The following CCDC141 variants were observed in gnomAD, a reference collection of about 807,000 sequenced individuals.
The protein encoded by CCDC141 is coiled-coil domain containing 141, also known as coiled-coil domain-containing protein 141.
In CCDC141, 168 loss-of-function variants were observed where a neutral mutation model predicts 181.0. That is an observed-to-expected ratio of 0.93 (90% CI 0.82 to 1.05). The LOEUF is 1.05. Ranked by LOEUF, CCDC141 falls within the 50% of genes least tolerant of loss-of-function variation. The pLI is 0.00. For synonymous variants in CCDC141, 666 were observed against 642.3 expected (o/e 1.04, Z -0.56); for missense variants, 1,902 against 1,788.5 (o/e 1.06, Z -1.14).
chr2:178,983,940 G>A (rs917223804), intron 2 of CCDC141, among the ~76,000 whole-genome samples: 19 of 150,052 alleles, frequency 1.3e-4, no homozygotes, highest in African/African-American at 4.2e-4. Flanking sequence ...GCAGGCCAAC[G>A]TTCAGATTCA....
chr2:178,819,322 T>C, the CCDC141 span, among the ~76,000 whole-genome samples: 2 of 152,182 alleles, frequency 1.3e-5, no homozygotes, highest in African/African-American at 2.4e-5. Flanking sequence ...TTTGCTGATA[T>C]GTCAGGGCAG....
chr2:178,881,907 TCTCTCTCTCACACACACA>T (rs1228692158), intron 11 of CCDC141, among the ~76,000 whole-genome samples: 8 of 106,008 alleles, frequency 7.5e-5, no homozygotes, highest in Admixed American at 2.0e-4. Flanking sequence ...TCTCTCTCTC[TCTCTCTCTCACACACACA>T]CACACACACA....
chr2:179,037,306 GA>G (rs749211999), intron 2 of CCDC141, among the ~76,000 whole-genome samples: 2 of 152,226 alleles, frequency 1.3e-5, no homozygotes, highest in Non-Finnish European at 2.9e-5. Context: ...GTAAATTCTT[GA>G]AGGCGTGGGT....
intron 13 of CCDC141, 44 bp downstream of exon 13, chr2:178,872,089 T>A (rs1686142092): frequency 6.3e-7 from 1 of 1,585,176 alleles, no homozygotes; most frequent in South Asian, 1.1e-5. Context: ...TTAGCCTGTG[T>A]CGGAATTTCA....
chr2:178,967,665 C>T (rs986512274), intron 4 of CCDC141, among the ~76,000 whole-genome samples: 3 of 152,078 alleles, frequency 2.0e-5, no homozygotes, highest in East Asian at 1.9e-4. Context: ...ATTGACACTA[C>T]GAAGAAACTG....
At chr2:179,035,474 T>A (rs1284609802) in intron 2 of CCDC141, among the ~76,000 whole-genome samples, 1 of 152,160 alleles carries the variant, frequency 6.6e-6, no homozygotes, top group African/African-American at 2.4e-5. Flanking sequence ...TAGCCTGGAA[T>A]AGCAACCATT....
At chr2:179,003,251 T>C (rs1232547643) in intron 2 of CCDC141, among the ~76,000 whole-genome samples, 2 of 152,216 alleles carry the variant, frequency 1.3e-5, no homozygotes, top group Non-Finnish European at 2.9e-5. Context: ...TTGAGCTGTT[T>C]CTCCAGTGGT....
chr2:178,833,850 T>C lies in CCDC141; in HGVS notation c.*323A>G, dbSNP rs1422274360. The C allele has an allele frequency of 8.7e-6, 2 of 229,350 alleles. No homozygotes were observed. The highest frequency in any genetic ancestry group is 1.7e-5 in the Non-Finnish European group (2 of 116,504). The allele number at this position is 229,350 out of a possible 1,614,324, so 14.2% of individuals were successfully genotyped here. A position where few individuals can be genotyped will look rare whatever the true frequency, so the allele number is the denominator to read the frequency against. ...GAAATTTAGCACATTTCTATGCCGATGTCAGCCTTCATCTGCACGCCCTTA... is the reference window on the plus strand; with the variant it reads ...GAAATTTAGCACATTTCTATGCCGACGTCAGCCTTCATCTGCACGCCCTTA... On this transcript the variant is annotated 3_prime_UTR_variant, in exon 24 of 24. Coordinates refer to ENST00000443758, the MANE Select transcript of CCDC141 (RefSeq NM_173648.4).
At chr2:178,936,351 G>T (rs1395488033) in intron 6 of CCDC141, among the ~76,000 whole-genome samples, 1 of 152,052 alleles carries the variant, frequency 6.6e-6, no homozygotes, top group Non-Finnish European at 1.5e-5. Context: ...ATTGAATAGG[G>T]AGTCTTTACC....
chr2:178,844,885 G>A (rs1376479563), intron 22 of CCDC141, among the ~76,000 whole-genome samples: 2 of 152,172 alleles, frequency 1.3e-5, no homozygotes, highest in African/African-American at 4.8e-5. Context: ...CAGGCAACTT[G>A]GCAAAGCAAA....
intron 22 of CCDC141, among the ~76,000 whole-genome samples, chr2:178,842,899 T>C (rs1684785397): frequency 2.0e-5 from 3 of 152,078 alleles, no homozygotes; most frequent in Non-Finnish European, 4.4e-5. Flanking sequence ...CTAATTTTCT[T>C]CCCAATTTCT....
intron 6 of CCDC141, among the ~76,000 whole-genome samples, chr2:178,943,283 A>G (rs1431879966): frequency 6.6e-6 from 1 of 152,192 alleles, no homozygotes; most frequent in Non-Finnish European, 1.5e-5. Context: ...GAAAAATTTT[A>G]AGAAATTAAA....
chr2:179,011,198 C>T (rs2042260979), intron 2 of CCDC141, among the ~76,000 whole-genome samples: 1 of 151,502 alleles, frequency 6.6e-6, no homozygotes, highest in Non-Finnish European at 1.5e-5. Flanking sequence ...TGGATAAGAA[C>T]TCATCAACCA....
intron 5 of CCDC141, among the ~76,000 whole-genome samples, chr2:178,956,869 G>A (rs1690181743): frequency 6.6e-6 from 1 of 151,040 alleles, no homozygotes; most frequent in Non-Finnish European, 1.5e-5. Flanking sequence ...AAGAATCTGG[G>A]CTGAATGAGA....
intron 11 of CCDC141, among the ~76,000 whole-genome samples, chr2:178,883,513 A>T (rs901122241): frequency 6.6e-6 from 1 of 152,220 alleles, no homozygotes; most frequent in African/African-American, 2.4e-5. Flanking sequence ...GCAGTGGTGA[A>T]TTGAGAATAT....
At chr2:179,047,887 T>C (rs770696693) in intron 1 of CCDC141, among the ~76,000 whole-genome samples, 17 of 152,200 alleles carry the variant, frequency 1.1e-4, no homozygotes, top group Non-Finnish European at 2.4e-4. Flanking sequence ...GCCTTGCTGG[T>C]TTAGCTGAAA....
At chr2:178,858,161 A>G (rs1377997974) in intron 17 of CCDC141, among the ~76,000 whole-genome samples, 1 of 152,208 alleles carries the variant, frequency 6.6e-6, no homozygotes, top group Non-Finnish European at 1.5e-5. Context: ...TAAATAAATC[A>G]GTAATGTTCA....
chr2:178,914,840 A>G (rs966922041), intron 7 of CCDC141, among the ~76,000 whole-genome samples: 1 of 152,136 alleles, frequency 6.6e-6, no homozygotes, highest in African/African-American at 2.4e-5. Flanking sequence ...AAATATTTCT[A>G]GTAAATAATA....
chr2:179,005,219 C>T (rs1273861239), intron 2 of CCDC141, among the ~76,000 whole-genome samples: 1 of 152,006 alleles, frequency 6.6e-6, no homozygotes, highest in Non-Finnish European at 1.5e-5. Context: ...ATTAGACTAT[C>T]TGTAATGAAA....
Sources: allele counts gnomAD v4.1 joint callset (sites outside exome capture counted in the v4.1 genomes callset), GRCh38; gene constraint gnomAD v4.1.1; transcripts MANE v1.5; gene names NCBI Gene and HGNC (gene_info 2026-07-23, HGNC 2026-07-21).